XKR6: variants seen among roughly 807,000 people sequenced by gnomAD.
The protein encoded by XKR6 is XK related 6, also known as XK-related protein 6.
Under a neutral mutation model 56.7 loss-of-function variants are expected in XKR6, and 22 were observed. The observed-to-expected ratio is 0.39, with a 90% CI of 0.28 to 0.55. XKR6 has a LOEUF of 0.55. XKR6 is among the 20% of genes least tolerant of loss of function. The probability of loss-of-function intolerance (pLI) is 0.66; values close to 1 mark genes in which losing one functional copy is unlikely to be tolerated. For missense variants in XKR6, 852 were observed against 889.0 expected (o/e 0.96, Z 0.53); for synonymous variants, 524 against 387.8 (o/e 1.35, Z -4.13).
intron 1 of XKR6, among the ~76,000 whole-genome samples, chr8:11,033,301 G>A (rs1041063741): frequency 6.8e-6 from 1 of 147,500 alleles, no homozygotes. Flanking sequence ...GGTGATGGTG[G>A]TGGTGATGAT....
intron 1 of XKR6, among the ~76,000 whole-genome samples, chr8:11,148,909 GA>G (rs1801127990): frequency 1.3e-5 from 2 of 152,174 alleles, no homozygotes; most frequent in African/African-American, 4.8e-5. Flanking sequence ...CTGAGTAAGC[GA>G]AACAGAAAAG....
intron 1 of XKR6, among the ~76,000 whole-genome samples, chr8:10,971,886 G>C (rs1802420053): frequency 6.6e-6 from 1 of 152,114 alleles, no homozygotes; most frequent in African/African-American, 2.4e-5. Context: ...TGTTGCAGTA[G>C]GTGTCATATA....
intron 1 of XKR6, among the ~76,000 whole-genome samples, chr8:10,933,463 G>A (rs1257141413): frequency 3.9e-5 from 5 of 127,918 alleles, no homozygotes; most frequent in Admixed American, 2.9e-4. Context: ...TGGACATGAA[G>A]TCCTTGCCCA....
chr8:11,100,491 C>A (rs955866045), intron 1 of XKR6, among the ~76,000 whole-genome samples: 1 of 152,222 alleles, frequency 6.6e-6, no homozygotes, highest in South Asian at 2.1e-4. Context: ...TACAAACTAT[C>A]GTGAGATCTT....
intron 1 of XKR6, among the ~76,000 whole-genome samples, chr8:10,994,431 C>T (rs1234978414): frequency 1.3e-5 from 2 of 152,314 alleles, no homozygotes; most frequent in South Asian, 4.1e-4. Flanking sequence ...TCCAGCTTCT[C>T]AAAATGCAGG....
rs529656053 is a variant in XKR6, at chr8:11,171,022, C to T, written c.764+29554G>A. On this transcript the variant is annotated intron_variant, in intron 1 of 2. Transcript: ENST00000416569. Reference sequence around the variant, plus strand: ...AGCAATCTTGAATTCTTGACTCTTCCTAGTTTAGAAATCATGAAAAAGAAC... The same window carrying T: ...AGCAATCTTGAATTCTTGACTCTTCTTAGTTTAGAAATCATGAAAAAGAAC... 7.2e-5 allele frequency among the ~76,000 whole-genome samples: 11 copies of T among 152,326 alleles called. No individual in the cohort carries two copies. The South Asian group carries it at 8.3e-4, about 11-fold the overall frequency.
At chr8:11,040,703 A>T (rs1412723927) in intron 1 of XKR6, among the ~76,000 whole-genome samples, 2 of 152,164 alleles carry the variant, frequency 1.3e-5, no homozygotes, top group Non-Finnish European at 1.5e-5. Flanking sequence ...TCATCAGGGC[A>T]CTAACACCAT....
intron 1 of XKR6, among the ~76,000 whole-genome samples, chr8:11,193,786 A>G (rs1412378222): frequency 6.9e-6 from 1 of 145,724 alleles, no homozygotes; most frequent in Non-Finnish European, 1.5e-5. Flanking sequence ...CAATTCAGAA[A>G]AACCTCCAAA....
intron 1 of XKR6, among the ~76,000 whole-genome samples, chr8:11,170,352 T>C (rs530018398): frequency 1.3e-5 from 2 of 152,316 alleles, no homozygotes; most frequent in African/African-American, 4.8e-5. Flanking sequence ...ATCCATCCAA[T>C]GGAATATTAG....
intron 1 of XKR6, among the ~76,000 whole-genome samples, chr8:11,001,887 G>A (rs1336468452): frequency 2.0e-5 from 3 of 152,110 alleles, no homozygotes; most frequent in East Asian, 3.8e-4. Context: ...ACCTTGGAGA[G>A]CCCTGGTCCC....
rs142007858 is a variant in XKR6, at chr8:10,955,024, A to G, written c.765-30194T>C. Among the ~76,000 whole-genome samples the G allele has an allele frequency of 4.7e-3, 717 of 152,016 alleles. 6 individuals carry two copies. Among genetic ancestry groups the G allele is most frequent in the South Asian group, 0.022 (105 of 4,804 alleles). On this transcript the variant is annotated intron_variant, in intron 1 of 2. Coordinates refer to ENST00000416569, the MANE Select transcript of XKR6 (RefSeq NM_173683.4). ...GCTAGGATTACAGGCATGTGCCACC[A>G]TGCCCAGCTAATTTTTGTATTTTTA...
chr8:10,984,636 A>G (rs900807735), intron 1 of XKR6, among the ~76,000 whole-genome samples: 2 of 150,878 alleles, frequency 1.3e-5, no homozygotes, highest in African/African-American at 4.9e-5. Flanking sequence ...GCAAAAATCC[A>G]TCAGCTTTCC....
At chr8:10,931,150 G>T (rs540455434) in intron 1 of XKR6, among the ~76,000 whole-genome samples, 24 of 152,196 alleles carry the variant, frequency 1.6e-4, no homozygotes, top group African/African-American at 4.6e-4. Flanking sequence ...ATGAATAATT[G>T]AAAATTTAAA....
At chr8:11,111,860 C>G (rs933193223) in intron 1 of XKR6, 4 of 151,930 alleles carry the variant, frequency 2.6e-5, no homozygotes, top group African/African-American at 9.7e-5. Flanking sequence ...ATCCAAGATT[C>G]TGAACATGCC....
Position 10,918,163 on chromosome 8 carries a change from A to G in XKR6, c.961+6471T>C, listed in dbSNP as rs907312390. Among the ~76,000 whole-genome samples the G allele has an allele frequency of 3.3e-4, 51 of 152,310 alleles. 1 individual carries two copies. The highest frequency in any genetic ancestry group is 1.2e-3 in the African/African-American group (51 of 41,570). ...AGGCTAGGCAAAGGGCGGTGAGCCC[A>G]TATGTGTGTTTCTCACTATCAGGGT... is the stretch of plus-strand genomic sequence containing the variant. On this transcript the variant is annotated intron_variant, in intron 2 of 2. Transcript: ENST00000416569.
At chr8:10,957,636 G>A (rs10107658) in intron 1 of XKR6, among the ~76,000 whole-genome samples, 27,806 of 152,092 alleles carry the variant, frequency 0.18, 3,391 homozygotes, top group African/African-American at 0.35. Context: ...TGGAGCTTCC[G>A]CCTGCCAAGA....
At chr8:10,944,890 C>T (rs922027509) in intron 1 of XKR6, among the ~76,000 whole-genome samples, 3 of 152,184 alleles carry the variant, frequency 2.0e-5, no homozygotes, top group African/African-American at 7.2e-5. Context: ...GCTCAGGGTG[C>T]GTGTCTGAGA....
At chr8:11,138,496 T>C (rs754111436) in intron 1 of XKR6, 19 of 152,248 alleles carry the variant, frequency 1.2e-4, no homozygotes, top group Non-Finnish European at 2.5e-4. Flanking sequence ...GGCTCTCAGA[T>C]GGTTTGGCTA....
At chr8:11,041,168 T>A (rs1395156967) in intron 1 of XKR6, among the ~76,000 whole-genome samples, 1 of 152,060 alleles carries the variant, frequency 6.6e-6, no homozygotes, top group Non-Finnish European at 1.5e-5. Context: ...TGAAACGCAT[T>A]TTAGAAATGT....
Sources: allele counts gnomAD v4.1 joint callset (sites outside exome capture counted in the v4.1 genomes callset), GRCh38; gene constraint gnomAD v4.1.1; transcripts MANE v1.5; gene names NCBI Gene and HGNC (gene_info 2026-07-23, HGNC 2026-07-21).